The following ESR1 variants were observed in gnomAD, a reference collection of about 807,000 sequenced individuals.
ESR1 encodes the protein estrogen receptor 1, also known as estrogen receptor.
ESR1 carries 12 observed loss-of-function variants against 52.7 expected under a neutral mutation model. That is an observed-to-expected ratio of 0.23 (90% CI 0.15 to 0.37). ESR1 has a LOEUF of 0.37. ESR1 is among the 10% of genes least tolerant of loss of function. ESR1 has a pLI of 1.00. For missense variants in ESR1, 584 were observed against 779.7 expected (o/e 0.75, Z 2.99); for synonymous variants, 305 against 316.8 (o/e 0.96, Z 0.39).
chr6:151,811,890 C>G (rs1236430263), intron 1 of ESR1, among the ~76,000 whole-genome samples: 1 of 152,070 alleles, frequency 6.6e-6, no homozygotes, highest in African/African-American at 2.4e-5. Context: ...GTGGCTTGTA[C>G]CTGTTTGGAA....
rs563340946 is a variant in ESR1 at position 151,902,954 on chromosome 6, C to G, written c.760+22183C>G. Among the ~76,000 whole-genome samples, 298 of 152,224 alleles carry G rather than the reference C, an allele frequency of 2.0e-3. 1 individual carries two copies. Among genetic ancestry groups the G allele is most frequent in the African/African-American group, 7.0e-3 (289 of 41,544 alleles). On this transcript the variant is annotated intron_variant, in intron 3 of 7. Transcript: ENST00000206249. ...TGATACATAAAATGCAGTACCTTGCCCTGAGGAACCTACAAGTTAGCCTCC... is the reference window on the plus strand; with the variant it reads ...TGATACATAAAATGCAGTACCTTGCGCTGAGGAACCTACAAGTTAGCCTCC...
At chr6:151,932,855 A>T (rs1433175873) in intron 3 of ESR1, among the ~76,000 whole-genome samples, 1 of 145,416 alleles carries the variant, frequency 6.9e-6, no homozygotes, top group African/African-American at 2.5e-5. Flanking sequence ...TGGTTACTGT[A>T]GCCTTGTAGT....
chr6:151,676,675 C>T (rs1156284453), intron 1 of ESR1, among the ~76,000 whole-genome samples: 1 of 152,184 alleles, frequency 6.6e-6, no homozygotes, highest in South Asian at 2.1e-4. Flanking sequence ...CACCCTCACT[C>T]GCTGCATTTA....
At chr6:151,835,898 GT>G (rs1023004594) in intron 1 of ESR1, among the ~76,000 whole-genome samples, 2 of 152,140 alleles carry the variant, frequency 1.3e-5, no homozygotes, top group African/African-American at 4.8e-5. Flanking sequence ...GATAGTTTCA[GT>G]GTTTTTTACA....
chr6:151,784,531 A>G (rs1786837883), intron 2 of ESR1, among the ~76,000 whole-genome samples: 1 of 152,218 alleles, frequency 6.6e-6, no homozygotes, highest in Non-Finnish European at 1.5e-5. Context: ...TTCTGATTGA[A>G]ATCTAAAAAT....
chr6:152,092,057 T>C (rs57838785), intron 6 of ESR1, among the ~76,000 whole-genome samples: 14,377 of 152,124 alleles, frequency 0.095, 1,459 homozygotes, highest in African/African-American at 0.26. Flanking sequence ...GGAGAAGAGC[T>C]GAGGCCCTCC....
intron 6 of ESR1, among the ~76,000 whole-genome samples, chr6:152,062,685 C>T (rs3020371): frequency 0.42 from 64,039 of 151,986 alleles, 14,911 homozygotes; most frequent in African/African-American, 0.6. Context: ...GTGCCTTCTT[C>T]GGTGGAGGGC....
intron 4 of ESR1, among the ~76,000 whole-genome samples, chr6:151,946,820 A>T (rs1315384413): frequency 6.6e-6 from 1 of 152,216 alleles, no homozygotes; most frequent in Non-Finnish European, 1.5e-5. Flanking sequence ...GGAAGAAAAA[A>T]GTCTTCTGCA....
At chr6:151,664,213 A>AACTC (rs1396449754) in intron 1 of ESR1, among the ~76,000 whole-genome samples, 1 of 152,214 alleles carries the variant, frequency 6.6e-6, no homozygotes, top group East Asian at 1.9e-4. Flanking sequence ...ACAGGCTGAA[A>AACTC]ACTCACATTA....
intron 3 of ESR1, among the ~76,000 whole-genome samples, chr6:151,901,565 A>G (rs941244167): frequency 4.6e-5 from 7 of 152,166 alleles, no homozygotes; most frequent in Non-Finnish European, 1.0e-4. Flanking sequence ...CCTGTGAGAC[A>G]AGGTAGAAAT....
At chr6:151,659,255 C>T (rs970758144) in intron 1 of ESR1, among the ~76,000 whole-genome samples, 22 of 152,118 alleles carry the variant, frequency 1.4e-4, no homozygotes, top group Non-Finnish European at 2.8e-4. Flanking sequence ...TCAGGTGATC[C>T]GCCCACCTCA....
At chr6:152,017,179 A>C (rs1161090207) in intron 5 of ESR1, among the ~76,000 whole-genome samples, 1 of 152,176 alleles carries the variant, frequency 6.6e-6, no homozygotes, top group African/African-American at 2.4e-5. Flanking sequence ...TTGTGAGCAG[A>C]GGATACATTT....
intron 6 of ESR1, among the ~76,000 whole-genome samples, chr6:152,086,004 C>A (rs993639890): frequency 7.9e-5 from 12 of 152,116 alleles, no homozygotes; most frequent in African/African-American, 2.4e-4. Context: ...AGGTAGGATC[C>A]AGGGAAACAA....
intron 2 of ESR1, among the ~76,000 whole-genome samples, chr6:151,755,167 AC>A (rs1231746253): frequency 1.3e-5 from 2 of 151,284 alleles, no homozygotes. Context: ...CTATGATTAC[AC>A]CACTACATTC....
intron 3 of ESR1, among the ~76,000 whole-genome samples, chr6:151,924,168 A>C (rs1035736165): frequency 5.3e-5 from 8 of 152,168 alleles, no homozygotes; most frequent in African/African-American, 1.9e-4. Flanking sequence ...TCAAGCTCCC[A>C]AGTACCTGGG....
intron 5 of ESR1, among the ~76,000 whole-genome samples, chr6:152,044,667 C>T (rs538282588): frequency 2.7e-4 from 41 of 152,256 alleles, no homozygotes; most frequent in South Asian, 8.3e-4. Flanking sequence ...GTCCAATGTT[C>T]GAGGCCAGGA....
chr6:151,836,950 G>A (rs911036381), intron 1 of ESR1, among the ~76,000 whole-genome samples: 1 of 152,094 alleles, frequency 6.6e-6, no homozygotes, highest in Admixed American at 6.5e-5. Context: ...TGGATAGCTG[G>A]TATCGTTATT....
At chr6:151,940,409 T>C (rs535117307) in intron 3 of ESR1, among the ~76,000 whole-genome samples, 1 of 152,200 alleles carries the variant, frequency 6.6e-6, no homozygotes, top group African/African-American at 2.4e-5. Flanking sequence ...ACTTGATTAT[T>C]TGATGATTTT....
intron 4 of ESR1, among the ~76,000 whole-genome samples, chr6:151,947,175 C>T (rs1205420805): frequency 6.6e-6 from 1 of 152,074 alleles, no homozygotes; most frequent in Non-Finnish European, 1.5e-5. Context: ...AAAAATTAGC[C>T]AGGCTTGGTG....
Sources: gnomAD v4.1 joint callset for allele counts (sites outside exome capture counted in the v4.1 genomes callset) on GRCh38, gnomAD v4.1.1 for gene constraint, MANE v1.5 for transcripts, NCBI Gene and HGNC (gene_info 2026-07-23, HGNC 2026-07-21) for gene names.